ERICH3: variants seen among roughly 807,000 people sequenced by gnomAD.
The protein encoded by ERICH3 is glutamate-rich protein 3.
In ERICH3, 126 loss-of-function variants were observed where a neutral mutation model predicts 131.1. That is an observed-to-expected ratio of 0.96 (90% CI 0.83 to 1.11). ERICH3 has a LOEUF of 1.11. Ranked by LOEUF, ERICH3 falls within the 50% of genes most tolerant of loss-of-function variation. The pLI is 0.00. For synonymous variants in ERICH3, 695 were observed against 644.6 expected (o/e 1.08, Z -1.18); for missense variants, 2,050 against 1,810.7 (o/e 1.13, Z -2.40).
intron 5 of ERICH3, among the ~76,000 whole-genome samples, chr1:74,639,879 A>T (rs1289625840): frequency 6.6e-6 from 1 of 152,152 alleles, no homozygotes; most frequent in Non-Finnish European, 1.5e-5. Flanking sequence ...TCATGAGTCA[A>T]ATTTAAAGAA....
In ERICH3 at chr1:74,572,546, TCTAATTC is replaced by T. The variant is rs1646972924; in HGVS notation, c.3157_3163del (p.Glu1053IlefsTer2). On this transcript the variant is annotated frameshift_variant, in exon 14 of 15. Transcript: ENST00000326665. LOFTEE classifies it high-confidence loss of function. ...AGCTTTCCTTCGCTCTCTTGCTAAATCTAATTCCTTGGGTAAAATTTCTTTCCTATCA... is the reference window on the plus strand; with the variant it reads ...AGCTTTCCTTCGCTCTCTTGCTAAATCTTGGGTAAAATTTCTTTCCTATCA... 4 of 1,613,990 alleles carry T rather than the reference TCTAATTC, an allele frequency of 2.5e-6. No individual in the cohort carries two copies. The African/African-American group carries it at 5.3e-5, about 22-fold the overall frequency.
chr1:74,624,137 T>C (rs1649333767), intron 7 of ERICH3: 1 of 152,200 alleles, frequency 6.6e-6, no homozygotes, highest in Non-Finnish European at 1.5e-5. Flanking sequence ...TTCCATATTC[T>C]GATAAAGCTA....
intron 8 of ERICH3, among the ~76,000 whole-genome samples, chr1:74,618,420 C>T (rs932975291): frequency 6.6e-6 from 1 of 152,050 alleles, no homozygotes; most frequent in Non-Finnish European, 1.5e-5. Flanking sequence ...CTGTATTTGC[C>T]ACAGCATAAT....
In ERICH3 at chr1:74,590,146, T is replaced by A. The variant is rs960451940; in HGVS notation, c.1727-66A>T. The A allele has an allele frequency of 5.3e-6, 7 of 1,321,672 alleles. No individual in the cohort carries two copies. The African/African-American group carries it at 1.0e-4, about 20-fold the overall frequency. The allele number at this position is 1,321,672 out of a possible 1,614,324, so 81.9% of individuals were successfully genotyped here. ...AAGCAATTGGTTTAATTGTAAAAAT[T>A]ATGTTAGCAATTAATAATACTAAAA... is the stretch of plus-strand genomic sequence containing the variant. On this transcript the variant is annotated intron_variant, in intron 11 of 14. Coordinates refer to ENST00000326665, the MANE Select transcript of ERICH3 (RefSeq NM_001002912.5).
chr1:74,607,088 A>G (rs968693264), intron 9 of ERICH3, among the ~76,000 whole-genome samples, 186 bp from the exon 10 acceptor site: 2 of 152,060 alleles, frequency 1.3e-5, no homozygotes, highest in Admixed American at 6.6e-5. Flanking sequence ...TTCTTTTTTG[A>G]TACTAAAATC....
At chr1:74,587,617 T>C (rs1416679838) in intron 12 of ERICH3, among the ~76,000 whole-genome samples, 2 of 152,142 alleles carry the variant, frequency 1.3e-5, no homozygotes, top group African/African-American at 4.8e-5. Context: ...TATATCCTAC[T>C]TTACAAAAAG....
intron 7 of ERICH3, chr1:74,623,722 AGATCATGT>A (rs1364273331): frequency 2.0e-5 from 3 of 152,190 alleles, no homozygotes; most frequent in Non-Finnish European, 1.5e-5. Context: ...GTTATTAAAC[AGATCATGT>A]GACTCTCCTG....
rs1429980561 is a variant in ERICH3 at position 74,651,116 on chromosome 1, CATATT to C, written c.24-1806_24-1802del. On this transcript the variant is annotated intron_variant, in intron 1 of 14. Coordinates refer to ENST00000326665, the MANE Select transcript of ERICH3 (RefSeq NM_001002912.5). Reference sequence around the variant, plus strand: ...TTATTCAAAGATCAGAGCAGGGACTCATATTATAGAGTCAAGTAAATATCATTAGC... The same window carrying C: ...TTATTCAAAGATCAGAGCAGGGACTCATAGAGTCAAGTAAATATCATTAGC... 4.6e-5 allele frequency among the ~76,000 whole-genome samples: 7 copies of C among 152,150 alleles called. No individual in the cohort carries two copies. In the South Asian group the frequency reaches 6.2e-4, roughly 14 times the overall value.
chr1:74,602,359 T>C (rs1008021448), intron 10 of ERICH3, among the ~76,000 whole-genome samples: 3 of 151,986 alleles, frequency 2.0e-5, no homozygotes, highest in Non-Finnish European at 1.5e-5. Flanking sequence ...CATCTACTCA[T>C]GTTTTTGATA....
rs1646910554 is a variant in ERICH3, at chr1:74,569,433, C to A, written c.*1025G>T. 2 of 152,092 alleles carry A rather than the reference C, an allele frequency of 1.3e-5. No homozygotes were observed. The highest frequency in any genetic ancestry group is 4.8e-5 in the African/African-American group (2 of 41,390). 9.4% of individuals were successfully genotyped at this position (152,092 alleles called of 1,614,324 possible). On this transcript the variant is annotated 3_prime_UTR_variant, in exon 15 of 15. Transcript: ENST00000326665. ...AAAACCCCTAGGAGACAGGCTGATA[C>A]ACAACTAGAAAATAATATCAGGGAG...
intron 1 of ERICH3, among the ~76,000 whole-genome samples, chr1:74,651,573 C>A (rs1343030288): frequency 6.6e-6 from 1 of 152,130 alleles, no homozygotes; most frequent in Non-Finnish European, 1.5e-5. Context: ...TTCAGCTCCT[C>A]ATTTCAGAAA....
chr1:74,657,088 T>G (rs936779813), intron 1 of ERICH3, among the ~76,000 whole-genome samples: 2 of 152,222 alleles, frequency 1.3e-5, no homozygotes, highest in East Asian at 1.9e-4. Context: ...CATGTGAGGA[T>G]AATCACCTTT....
intron 10 of ERICH3, among the ~76,000 whole-genome samples, chr1:74,603,790 A>T (rs1288646728): frequency 6.6e-6 from 1 of 151,964 alleles, no homozygotes; most frequent in Non-Finnish European, 1.5e-5. Flanking sequence ...CTTTATTGAT[A>T]AAAGATGCTA....
chr1:74,633,018 T>G (rs1457854449), intron 6 of ERICH3, among the ~76,000 whole-genome samples: 2 of 152,042 alleles, frequency 1.3e-5, no homozygotes, highest in East Asian at 1.9e-4. Flanking sequence ...TAGGTTTATC[T>G]ATTTTGCACC....
At chr1:74,671,163 GC>G (rs1202213102) in intron 1 of ERICH3, among the ~76,000 whole-genome samples, 159 of 151,052 alleles carry the variant, frequency 1.1e-3, no homozygotes, top group African/African-American at 3.8e-3. Context: ...TTTGCCCTTT[GC>G]CTTGTGATCT....
intron 1 of ERICH3, among the ~76,000 whole-genome samples, chr1:74,654,388 C>G (rs1646564825): frequency 6.6e-6 from 1 of 151,216 alleles, no homozygotes. Context: ...ATATGTATAT[C>G]CTACAGTAGG....
chr1:74,646,145 C>T (rs1043505818), intron 3 of ERICH3, among the ~76,000 whole-genome samples: 7 of 151,894 alleles, frequency 4.6e-5, no homozygotes, highest in Admixed American at 2.0e-4. Flanking sequence ...GAGTGGCCTA[C>T]GGTAGGAGGG....
rs985606560 is a variant in ERICH3 at position 74,568,622 on chromosome 1, T to A, written c.*1836A>T. 2.0e-5 allele frequency: 3 copies of A among 152,184 alleles called. No individual in the cohort carries two copies. The highest frequency in any genetic ancestry group is 4.4e-5 in the Non-Finnish European group (3 of 68,020). The allele number at this position is 152,184 out of a possible 1,614,324, so 9.4% of individuals were successfully genotyped here. ...GAGTAGGGCAGAGGGACTTCGTGCA[T>A]GTATCAATACAATCATAATAAAAAT... On this transcript the variant is annotated 3_prime_UTR_variant, in exon 15 of 15. Transcript: ENST00000326665.
At chr1:74,629,651 T>TGG (rs1649528007) in intron 7 of ERICH3, among the ~76,000 whole-genome samples, 1 of 152,128 alleles carries the variant, frequency 6.6e-6, no homozygotes, top group Admixed American at 6.5e-5. Flanking sequence ...TGGCTCACAC[T>TGG]AGGACCTCGC....
Sources: allele counts gnomAD v4.1 joint callset (sites outside exome capture counted in the v4.1 genomes callset), GRCh38; gene constraint gnomAD v4.1.1; transcripts MANE v1.5; gene names NCBI Gene and HGNC (gene_info 2026-07-23, HGNC 2026-07-21).